DDR2: variants seen among roughly 807,000 people sequenced by gnomAD.
The protein encoded by DDR2 is discoidin domain-containing receptor 2.
A neutral mutation model predicts 94.9 loss-of-function variants in DDR2; 27 were observed. That is an observed-to-expected ratio of 0.28 (90% CI 0.21 to 0.39). The LOEUF (loss-of-function observed/expected upper bound fraction) is 0.39. Ranked by LOEUF, DDR2 falls within the 10% of genes least tolerant of loss-of-function variation. The probability of loss-of-function intolerance (pLI) is 1.00; values close to 1 mark genes in which losing one functional copy is unlikely to be tolerated. For synonymous variants in DDR2, 382 were observed against 377.2 expected, an observed-to-expected ratio of 1.01 and a Z score of -0.15; for missense variants, 783 against 1,076.0, an observed-to-expected ratio of 0.73 and a Z score of 3.81.
intron 2 of DDR2, among the ~76,000 whole-genome samples, chr1:162,682,237 T>G (rs1465560256): frequency 6.6e-6 from 1 of 152,208 alleles, no homozygotes; most frequent in Non-Finnish European, 1.5e-5. Context: ...ATGCATCTCC[T>G]TTTTTAACTG....
At chr1:162,698,875 T>A (rs974851417) in intron 2 of DDR2, among the ~76,000 whole-genome samples, 1 of 152,216 alleles carries the variant, frequency 6.6e-6, no homozygotes, top group African/African-American at 2.4e-5. Context: ...ATGTGCTTTA[T>A]TCCTAAAGCC....
intron 3 of DDR2, among the ~76,000 whole-genome samples, chr1:162,745,383 T>C (rs1260262076): frequency 1.3e-5 from 2 of 152,228 alleles, no homozygotes; most frequent in African/African-American, 2.4e-5. Context: ...ATGTGTTTGG[T>C]ATCATATCCA....
chr1:162,676,452 A>G (rs1428029063), intron 2 of DDR2, among the ~76,000 whole-genome samples: 1 of 152,200 alleles, frequency 6.6e-6, no homozygotes, highest in Admixed American at 6.5e-5. Flanking sequence ...AGGAGAAAAT[A>G]TGTTATGTAT....
At chr1:162,727,910 A>T (rs1299241517) in intron 3 of DDR2, among the ~76,000 whole-genome samples, 1 of 148,342 alleles carries the variant, frequency 6.7e-6, no homozygotes, top group East Asian at 1.9e-4. Context: ...TACTCTTCAG[A>T]GACCCACAGG....
At chr1:162,680,289 A>G (rs2101955618) in intron 2 of DDR2, among the ~76,000 whole-genome samples, 1 of 152,312 alleles carries the variant, frequency 6.6e-6, no homozygotes, top group South Asian at 2.1e-4. Flanking sequence ...TCTTTAATCC[A>G]TCTTGAGTTG....
chr1:162,711,535 A>C (rs1341371139), intron 2 of DDR2, among the ~76,000 whole-genome samples: 2 of 152,216 alleles, frequency 1.3e-5, no homozygotes, highest in East Asian at 3.8e-4. Context: ...TTGGAGAAAA[A>C]AGAGTTCTAC....
At chr1:162,639,820 GA>G (rs2101886580) in intron 1 of DDR2, among the ~76,000 whole-genome samples, 1 of 152,286 alleles carries the variant, frequency 6.6e-6, no homozygotes, top group South Asian at 2.1e-4. Flanking sequence ...TTCGAATTCT[GA>G]ATTTCATTGG....
At position 162,753,078 on chromosome 1, in the gene DDR2, G is replaced by A; in HGVS notation, c.83-17G>A. ...AAACCATGTCCTCTCTTTTCTCTTT[G>A]GTTTCTCTTGGTCTAGCTATATGCC... On this transcript the variant is annotated splice_polypyrimidine_tract_variant and intron_variant, in intron 3 of 17. Transcript: ENST00000367921. 1 of 1,605,452 alleles carries A rather than the reference G, an allele frequency of 6.2e-7. No individual in the cohort carries two copies. The highest frequency in any genetic ancestry group is 8.5e-7 in the Non-Finnish European group (1 of 1,172,748).
At position 162,754,628 on chromosome 1, in the gene DDR2, G is replaced by A. The variant is rs1261100286; in HGVS notation, c.190G>A (p.Asp64Asn). ...CCCCAACCCTCACCTCTCAAGGCTG[G>A]ACTCAGAAGAAGGGGATGGAGCCTG... ...ESTAAKYGRL[D>N]SEEGDGAWCP... The change falls in exon 5 of 18, where the codon GAC becomes AAC. Residue 64 changes from aspartate to asparagine, a missense_variant. Around this residue, in one of 2 missense-constraint regions of DDR2, gnomAD observed 519 missense variants for 647.9 expected, o/e 0.80. Coordinates refer to ENST00000367921, the MANE Select transcript of DDR2 (RefSeq NM_006182.4). 5.0e-6 allele frequency: 8 copies of A among 1,614,100 alleles called. No individual in the cohort carries two copies. The highest frequency in any genetic ancestry group is 1.3e-5 in the African/African-American group (1 of 75,030).
At chr1:162,695,896 G>A (rs556090843) in intron 2 of DDR2, among the ~76,000 whole-genome samples, 2 of 152,314 alleles carry the variant, frequency 1.3e-5, no homozygotes, top group South Asian at 2.1e-4. Context: ...GAGAGGTTGA[G>A]TGGTTTGCCC....
At chr1:162,633,692 A>T (rs553358970) in intron 1 of DDR2, among the ~76,000 whole-genome samples, 2 of 152,370 alleles carry the variant, frequency 1.3e-5, no homozygotes, top group African/African-American at 4.8e-5. Context: ...CAGTATGATG[A>T]GCAAGTCACC....
chr1:162,683,544 T>G (rs1251386940), intron 2 of DDR2, among the ~76,000 whole-genome samples: 2 of 152,144 alleles, frequency 1.3e-5, no homozygotes, highest in South Asian at 4.1e-4. Flanking sequence ...ATACCTATAA[T>G]GAACATGCTG....
At chr1:162,657,570 A>C (rs1337340361) in intron 2 of DDR2, among the ~76,000 whole-genome samples, 2 of 152,162 alleles carry the variant, frequency 1.3e-5, no homozygotes, top group Non-Finnish European at 2.9e-5. Flanking sequence ...GAAGGGTAAC[A>C]ACAGCCTTTG....
chr1:162,753,127 G>A lies in DDR2; in HGVS notation c.115G>A (p.Gly39Ser). 6.8e-6 allele frequency: 11 copies of A among 1,613,702 alleles called. No individual in the cohort carries two copies. Among genetic ancestry groups the A allele is most frequent in the Middle Eastern group, 1.7e-4 (1 of 6,028 alleles). Reference protein sequence around the residue: ...ICRYPLGMSGGQIPDEDITAS... With the variant: ...ICRYPLGMSGSQIPDEDITAS... ...CCGCTATCCTCTGGGCATGTCAGGA[G>A]GCCAGATTCCAGATGAGGACATCAC... Residue 39 changes from glycine to serine, a missense_variant, in exon 4 of 18, where the codon GGC (glycine) becomes AGC (serine). Physicochemically the swap from Gly to Ser is moderately conservative, Grantham distance 56. Transcript: ENST00000367921.
rs1306364923 is a variant in DDR2, at chr1:162,761,277, T to C, written c.922T>C (p.Ser308Pro). Residue 308 changes from serine (S) to proline (P), a missense_variant, in exon 9 of 18, where the codon TCT (serine) becomes CCT (proline). Transcript: ENST00000367921. ...TAAGGAGGTACAGTGCTACTTCCGC[T>C]CTGAAGCCAGTGAGTGGGAACCTAA... ...IFKEVQCYFR[S>P]EASEWEPNAI... is the part of the protein sequence containing the mutation. 6.2e-7 allele frequency: 1 copy of C among 1,614,174 alleles called. No individual in the cohort carries two copies. The highest frequency in any genetic ancestry group is 8.5e-7 in the Non-Finnish European group (1 of 1,180,016).
chr1:162,691,046 AG>A (rs1296853255), intron 2 of DDR2, among the ~76,000 whole-genome samples: 1 of 152,116 alleles, frequency 6.6e-6, no homozygotes. Flanking sequence ...GTGAGTCACG[AG>A]CTCTCTCACC....
intron 2 of DDR2, among the ~76,000 whole-genome samples, chr1:162,668,416 T>C (rs776643380): frequency 5.3e-5 from 8 of 152,172 alleles, no homozygotes; most frequent in Non-Finnish European, 8.8e-5. Flanking sequence ...TAACAAGTGA[T>C]CACAAACTGG....
chr1:162,639,595 C>T (rs566814476), intron 1 of DDR2, among the ~76,000 whole-genome samples: 109 of 152,276 alleles, frequency 7.2e-4, no homozygotes, highest in African/African-American at 2.5e-3. Context: ...TTTTTAGTTA[C>T]AGCACCAAAG....
At chr1:162,747,508 T>C (rs982535614) in intron 3 of DDR2, among the ~76,000 whole-genome samples, 39 of 151,784 alleles carry the variant, frequency 2.6e-4, no homozygotes, top group African/African-American at 7.7e-4. Context: ...TGTGAAAAGA[T>C]CAAATCTACA....
Sources: allele counts gnomAD v4.1 joint callset (sites outside exome capture counted in the v4.1 genomes callset), GRCh38; gene constraint gnomAD v4.1.1; regional missense constraint gnomAD v4.1.1; transcripts MANE v1.5; gene names NCBI Gene and HGNC (gene_info 2026-07-23, HGNC 2026-07-21).